Variants in CCDC7 observed in about 807,000 individuals in gnomAD.
The protein encoded by CCDC7 is coiled-coil domain containing 7.
In CCDC7, 183 loss-of-function variants were observed where a neutral mutation model predicts 196.9. The observed-to-expected ratio is 0.93, with a 90% CI of 0.82 to 1.05. The LOEUF is 1.05. Ranked by LOEUF, CCDC7 falls within the 50% of genes least tolerant of loss-of-function variation. The pLI, the probability that CCDC7 is intolerant of heterozygous loss-of-function variation, is 0.00. For missense variants in CCDC7, 1,540 were observed against 1,482.2 expected, an observed-to-expected ratio of 1.04 and a Z score of -0.64; for synonymous variants, 525 against 484.6, an observed-to-expected ratio of 1.08 and a Z score of -1.10.
intron 18 of CCDC7, among the ~76,000 whole-genome samples, chr10:32,586,201 G>A (rs557536359): frequency 4.1e-4 from 63 of 152,176 alleles, no homozygotes; most frequent in South Asian, 1.2e-3. Flanking sequence ...CATATCCTTC[G>A]CCCACTTTTT....
intron 29 of CCDC7, among the ~76,000 whole-genome samples, chr10:32,796,921 T>C (rs1470542571): frequency 6.6e-6 from 1 of 152,078 alleles, no homozygotes; most frequent in African/African-American, 2.4e-5. Flanking sequence ...ATTTTAAATA[T>C]ACAGAATTCT....
intron 18 of CCDC7, among the ~76,000 whole-genome samples, chr10:32,620,124 T>C (rs1056020168): frequency 3.3e-5 from 5 of 151,988 alleles, no homozygotes; most frequent in African/African-American, 9.7e-5. Flanking sequence ...AGTTTTGCCA[T>C]GTTGGCCAGG....
At chr10:32,491,086 C>T (rs2042078442) in intron 8 of CCDC7, among the ~76,000 whole-genome samples, 1 of 152,090 alleles carries the variant, frequency 6.6e-6, no homozygotes. Context: ...TTTTTTCTCT[C>T]TAATGAAACT....
intron 13 of CCDC7, among the ~76,000 whole-genome samples, chr10:32,555,064 G>T (rs111354002): frequency 0.042 from 6,464 of 152,138 alleles, 463 homozygotes; most frequent in African/African-American, 0.15. Context: ...CATTATGTAT[G>T]TGTACTACAT....
chr10:32,752,422 T>C (rs1262169002), intron 28 of CCDC7, among the ~76,000 whole-genome samples: 2 of 152,136 alleles, frequency 1.3e-5, no homozygotes, highest in Non-Finnish European at 2.9e-5. Context: ...GCGAATTCCA[T>C]TAGCTCCTGC....
chr10:32,616,946 T>G (rs1341667813), intron 18 of CCDC7, among the ~76,000 whole-genome samples: 1 of 150,700 alleles, frequency 6.6e-6, no homozygotes, highest in Non-Finnish European at 1.5e-5. Flanking sequence ...GTTTATGTGA[T>G]GTATTTCATT....
chr10:32,645,765 G>A (rs2067661205), intron 20 of CCDC7, among the ~76,000 whole-genome samples: 1 of 151,698 alleles, frequency 6.6e-6, no homozygotes, highest in African/African-American at 2.4e-5. Context: ...TGCAATCTTG[G>A]TAACTTGCGT....
At chr10:32,753,812 G>A (rs1162587998) in intron 28 of CCDC7, among the ~76,000 whole-genome samples, 1 of 152,020 alleles carries the variant, frequency 6.6e-6, no homozygotes, top group Non-Finnish European at 1.5e-5. Flanking sequence ...ATTTTTAAGT[G>A]ACAAGAAATG....
rs142563119 is a variant in CCDC7 at position 32,591,177 on chromosome 10, A to T, written c.1801+6873A>T. ...TGCCTTTTTGGACTTTGCAGCTAAT[A>T]ACACTTAAATTTTCCCTAATTTATA... On this transcript the variant is annotated intron_variant, in intron 18 of 41. Transcript: ENST00000639629. Among the ~76,000 whole-genome samples, 262 of 152,122 alleles carry T rather than the reference A, an allele frequency of 1.7e-3. 2 individuals are homozygous for T. Among genetic ancestry groups the T allele is most frequent in the African/African-American group, 4.7e-3 (196 of 41,528 alleles).
In CCDC7 at chr10:32,579,745, A is replaced by G. The variant is rs2058567439; in HGVS notation, c.1455-3289A>G. On this transcript the variant is annotated intron_variant, in intron 16 of 41. Transcript: ENST00000639629. ...GTAATTCCTTAGCTACCTGATCACT[A>G]TAGCCATTCTCACTGAGAACAAGCA... is the stretch of plus-strand genomic sequence containing the variant. 2.0e-5 allele frequency among the ~76,000 whole-genome samples: 3 copies of G among 152,252 alleles called. No homozygotes were observed. In the South Asian group the frequency reaches 6.2e-4, roughly 32 times the overall value.
intron 28 of CCDC7, among the ~76,000 whole-genome samples, chr10:32,777,902 G>C (rs940229814): frequency 1.3e-5 from 2 of 152,134 alleles, no homozygotes; most frequent in Non-Finnish European, 2.9e-5. Flanking sequence ...GTGTGAGATG[G>C]TATCTCATTG....
chr10:32,577,471 G>A (rs2058329007), intron 16 of CCDC7, among the ~76,000 whole-genome samples: 1 of 152,170 alleles, frequency 6.6e-6, no homozygotes, highest in Admixed American at 6.5e-5. Context: ...GTCAATCTGA[G>A]GAGATTGTGC....
intron 5 of CCDC7, among the ~76,000 whole-genome samples, chr10:32,467,622 T>C (rs1374061706): frequency 6.6e-6 from 1 of 152,212 alleles, no homozygotes; most frequent in Non-Finnish European, 1.5e-5. Context: ...TTTGCTTTTG[T>C]TGCAATTGCT....
intron 28 of CCDC7, among the ~76,000 whole-genome samples, chr10:32,758,609 A>C (rs1322039948): frequency 6.6e-6 from 1 of 152,172 alleles, no homozygotes; most frequent in Non-Finnish European, 1.5e-5. Context: ...CAAAATAATG[A>C]GATATTTATG....
intron 16 of CCDC7, among the ~76,000 whole-genome samples, chr10:32,575,672 T>G (rs1350554045): frequency 1.3e-5 from 2 of 152,156 alleles, no homozygotes; most frequent in East Asian, 3.9e-4. Flanking sequence ...CCAATGTAGC[T>G]GGTATCAGTG....
chr10:32,773,383 C>T (rs1031097814), intron 28 of CCDC7, among the ~76,000 whole-genome samples: 2 of 151,846 alleles, frequency 1.3e-5, no homozygotes, highest in Non-Finnish European at 2.9e-5. Flanking sequence ...TCTTTTTGCT[C>T]CTCTAATTGT....
chr10:32,450,051 C>G (rs1455478077), upstream of CCDC7, among the ~76,000 whole-genome samples: 1 of 152,194 alleles, frequency 6.6e-6, no homozygotes, highest in Non-Finnish European at 1.5e-5. Flanking sequence ...GACTAAGACA[C>G]TAGTGCTGCT....
chr10:32,878,182 G>C (rs752740288), downstream of CCDC7, among the ~76,000 whole-genome samples: 2 of 152,012 alleles, frequency 1.3e-5, no homozygotes, highest in African/African-American at 2.4e-5. Context: ...CTCTTTATAT[G>C]TGGGTAGTGT....
chr10:32,574,969 C>T lies in CCDC7; in HGVS notation c.1454+3076C>T, dbSNP rs144833466. On this transcript the variant is annotated intron_variant, in intron 16 of 41. Coordinates refer to ENST00000639629, the Ensembl canonical transcript of CCDC7. ...TTGTCACCTTCATATGTCCAGTTCT[C>T]TTTTGGGTATTGTGTTTTACTGAAA... 1.2e-3 allele frequency among the ~76,000 whole-genome samples: 181 copies of T among 152,246 alleles called. No homozygotes were observed. In the Middle Eastern group the frequency reaches 0.014, roughly 11 times the overall value.
Sources: allele counts gnomAD v4.1 joint callset (sites outside exome capture counted in the v4.1 genomes callset), GRCh38; gene constraint gnomAD v4.1.1; transcripts MANE v1.5; gene names NCBI Gene and HGNC (gene_info 2026-07-23, HGNC 2026-07-21).